Variants in PRKCE observed in about 807,000 individuals in gnomAD.
PRKCE encodes protein kinase C epsilon type.
In PRKCE, 16 loss-of-function variants were observed where a neutral mutation model predicts 85.4. That is an observed-to-expected ratio of 0.19 (90% CI 0.13 to 0.28). PRKCE has a LOEUF of 0.28. Ranked by LOEUF, PRKCE falls within the 10% of genes least tolerant of loss-of-function variation. PRKCE has a pLI of 1.00. For missense variants in PRKCE, 573 were observed against 975.2 expected, an observed-to-expected ratio of 0.59 and a Z score of 5.49; for synonymous variants, 388 against 371.5, an observed-to-expected ratio of 1.04 and a Z score of -0.51.
intron 11 of PRKCE, among the ~76,000 whole-genome samples, chr2:46,116,590 G>A (rs896487027): frequency 3.3e-5 from 5 of 152,118 alleles, no homozygotes; most frequent in Non-Finnish European, 5.9e-5. Flanking sequence ...AATCAAGTGG[G>A]TCCTTGGATT....
At chr2:45,815,836 T>C (rs1339915937) in intron 1 of PRKCE, among the ~76,000 whole-genome samples, 1 of 152,174 alleles carries the variant, frequency 6.6e-6, no homozygotes, top group African/African-American at 2.4e-5. Flanking sequence ...TCAGCTGCCT[T>C]CCAGTTAGGT....
intron 2 of PRKCE, among the ~76,000 whole-genome samples, chr2:45,949,072 A>T (rs1052263908): frequency 6.6e-6 from 1 of 152,218 alleles, no homozygotes; most frequent in Non-Finnish European, 1.5e-5. Flanking sequence ...ACATCGTTGC[A>T]TGTGTCTCCT....
chr2:46,016,719 A>G (rs1706184167), intron 10 of PRKCE, among the ~76,000 whole-genome samples: 1 of 151,976 alleles, frequency 6.6e-6, no homozygotes, highest in Non-Finnish European at 1.5e-5. Context: ...GACCAGCCTG[A>G]CCAATTTGAT....
At chr2:45,717,338 C>G (rs1680221027) in intron 1 of PRKCE, among the ~76,000 whole-genome samples, 1 of 152,246 alleles carries the variant, frequency 6.6e-6, no homozygotes, top group Admixed American at 6.5e-5. Context: ...TTTGTTCTCT[C>G]TGTCTGTCTT....
chr2:45,988,097 G>C (rs1703481859), intron 6 of PRKCE, among the ~76,000 whole-genome samples: 1 of 152,206 alleles, frequency 6.6e-6, no homozygotes, highest in Admixed American at 6.5e-5. Context: ...TTGCTGCTTA[G>C]GAAGACTCAG....
At chr2:46,092,581 C>T (rs755972899) in intron 11 of PRKCE, among the ~76,000 whole-genome samples, 1 of 152,148 alleles carries the variant, frequency 6.6e-6, no homozygotes, top group Non-Finnish European at 1.5e-5. Context: ...AACAAAAATC[C>T]AGTCAGAACC....
At chr2:45,662,702 T>TTA (rs1553372054) in intron 1 of PRKCE, among the ~76,000 whole-genome samples, 2 of 151,226 alleles carry the variant, frequency 1.3e-5, no homozygotes, top group Non-Finnish European at 2.9e-5. Flanking sequence ...CTTTTTTTTT[T>TTA]CCCTCTTTGC....
intron 1 of PRKCE, among the ~76,000 whole-genome samples, chr2:45,831,612 A>T (rs1170280429): frequency 6.6e-6 from 1 of 152,182 alleles, no homozygotes; most frequent in Non-Finnish European, 1.5e-5. Flanking sequence ...AAGAGGAGGG[A>T]AGTGGTAAGT....
intron 1 of PRKCE, among the ~76,000 whole-genome samples, chr2:45,662,753 G>C (rs1337951118): frequency 1.3e-5 from 2 of 148,930 alleles, no homozygotes; most frequent in African/African-American, 4.9e-5. Context: ...AGCTATTTTT[G>C]ATAGCTTGCT....
intron 1 of PRKCE, among the ~76,000 whole-genome samples, chr2:45,658,115 A>T (rs1675464401): frequency 6.6e-6 from 1 of 152,166 alleles, no homozygotes; most frequent in African/African-American, 2.4e-5. Flanking sequence ...CTAAGGGGGT[A>T]AGGAGGTAGG....
intron 11 of PRKCE, among the ~76,000 whole-genome samples, chr2:46,128,389 A>G (rs1674081230): frequency 6.6e-6 from 1 of 152,258 alleles, no homozygotes. Context: ...TGTGCCAGGA[A>G]CTGGTATAAA....
At chr2:46,016,158 C>T (rs1385120563) in intron 10 of PRKCE, among the ~76,000 whole-genome samples, 2 of 152,118 alleles carry the variant, frequency 1.3e-5, no homozygotes, top group African/African-American at 4.8e-5. Flanking sequence ...GGCTGGACAG[C>T]AATGCCATTT....
chr2:46,016,808 C>T (rs1228212227), intron 10 of PRKCE, among the ~76,000 whole-genome samples: 1 of 151,156 alleles, frequency 6.6e-6, no homozygotes, highest in Middle Eastern at 3.2e-3. Flanking sequence ...ACTCAGGAGG[C>T]TAAGGCAGGA....
intron 1 of PRKCE, among the ~76,000 whole-genome samples, chr2:45,795,757 A>G (rs1359474432): frequency 6.6e-6 from 1 of 152,126 alleles, no homozygotes; most frequent in African/African-American, 2.4e-5. Flanking sequence ...GGGATTGGCC[A>G]CTATGTTCTT....
chr2:46,030,719 C>T (rs1004325760), intron 10 of PRKCE, among the ~76,000 whole-genome samples: 2 of 152,162 alleles, frequency 1.3e-5, no homozygotes, highest in African/African-American at 2.4e-5. Context: ...TATGTCCCAA[C>T]GAAAAGGAAT....
rs996681593 is a variant in PRKCE, at chr2:46,159,409, C to G, written c.1921-197C>G. On this transcript the variant is annotated intron_variant, in intron 13 of 14. Coordinates refer to ENST00000306156, the MANE Select transcript of PRKCE (RefSeq NM_005400.3). This position sits in a 1 kb window ranked among gnomAD's most constrained non-coding sequence, Gnocchi z 4.1. ...AAATGAGTTGATACATGTACCATGT[C>G]TAGAATGGTGTCTGGGACATAGTCA... Among the ~76,000 whole-genome samples, 1 of 152,202 alleles carries G rather than the reference C, an allele frequency of 6.6e-6. No homozygotes were observed. The highest frequency in any genetic ancestry group is 1.5e-5 in the Non-Finnish European group (1 of 68,036).
At chr2:46,073,972 C>G (rs1237704796) in intron 10 of PRKCE, 1 of 152,100 alleles carries the variant, frequency 6.6e-6, no homozygotes, top group Non-Finnish European at 1.5e-5. Context: ...TAGGATCAGT[C>G]CTGGCTGCTA....
chr2:45,793,231 T>C (rs1026748423), intron 1 of PRKCE, among the ~76,000 whole-genome samples: 1 of 152,264 alleles, frequency 6.6e-6, no homozygotes, highest in Non-Finnish European at 1.5e-5. Flanking sequence ...TTCCTATTTG[T>C]TGAATTTGGG....
intron 11 of PRKCE, among the ~76,000 whole-genome samples, chr2:46,098,928 G>A (rs1300377316): frequency 6.6e-6 from 1 of 152,080 alleles, no homozygotes; most frequent in Non-Finnish European, 1.5e-5. Flanking sequence ...GGCTGGAGGT[G>A]GGGTGAGGAG....
Sources: gnomAD v4.1 joint callset for allele counts (sites outside exome capture counted in the v4.1 genomes callset) on GRCh38, gnomAD v4.1.1 for gene constraint, Gnocchi (gnomAD v3.1) non-coding constraint, MANE v1.5 for transcripts, NCBI Gene and HGNC (gene_info 2026-07-23, HGNC 2026-07-21) for gene names.